The following PPP3CB variants were observed in gnomAD, a reference collection of about 807,000 sequenced individuals.
PPP3CB encodes the protein serine/threonine-protein phosphatase 2B catalytic subunit beta isoform.
PPP3CB carries 8 observed loss-of-function variants against 66.4 expected under a neutral mutation model. The ratio of observed to expected loss-of-function variants is 0.12; its 90% confidence interval spans 0.07 to 0.22. The LOEUF is 0.22. Among genes scored for constraint, PPP3CB ranks in the 10% least tolerant of loss-of-function variants. The pLI, the probability that PPP3CB is intolerant of heterozygous loss-of-function variation, is 1.00. For missense variants in PPP3CB, 319 were observed against 642.5 expected (o/e 0.50, Z 5.44); for synonymous variants, 208 against 221.2 (o/e 0.94, Z 0.53).
chr10:73,457,470 G>T (rs1334863680), intron 9 of PPP3CB, among the ~76,000 whole-genome samples: 1 of 151,688 alleles, frequency 6.6e-6, no homozygotes, highest in Non-Finnish European at 1.5e-5. Context: ...GCTAGGCCGG[G>T]GGTCATGCCT....
chr10:73,491,404 AT>A (rs2057077009), intron 1 of PPP3CB, among the ~76,000 whole-genome samples: 1 of 151,858 alleles, frequency 6.6e-6, no homozygotes, highest in African/African-American at 2.4e-5. Flanking sequence ...ACCTCAAGTG[AT>A]CCCCCCGCCT....
intron 9 of PPP3CB, among the ~76,000 whole-genome samples, chr10:73,463,081 T>C (rs570292220): frequency 1.3e-5 from 2 of 150,288 alleles, no homozygotes; most frequent in African/African-American, 4.9e-5. Context: ...CTCATTGGAG[T>C]GTGTTAATGG....
At chr10:73,454,785 T>C (rs539339473) in intron 9 of PPP3CB, among the ~76,000 whole-genome samples, 35 of 150,936 alleles carry the variant, frequency 2.3e-4, no homozygotes, top group African/African-American at 8.0e-4. Context: ...ACTGAATGTA[T>C]ACATTTCAAA....
intron 3 of PPP3CB, among the ~76,000 whole-genome samples, chr10:73,475,348 G>GT: frequency 6.6e-6 from 1 of 152,276 alleles, no homozygotes. Context: ...CTACAGATGC[G>GT]TATTAGTAAA....
chr10:73,466,596 T>C (rs1216999050), intron 9 of PPP3CB, among the ~76,000 whole-genome samples: 2 of 152,200 alleles, frequency 1.3e-5, no homozygotes, highest in African/African-American at 2.4e-5. Flanking sequence ...GGTAATTCTA[T>C]CTCCGTATTA....
intron 1 of PPP3CB, among the ~76,000 whole-genome samples, chr10:73,486,006 CGCA>C (rs1465765782): frequency 6.6e-6 from 1 of 151,064 alleles, no homozygotes; most frequent in African/African-American, 2.4e-5. Flanking sequence ...AATGCAGTGG[CGCA>C]ACATGAGCTC....
intron 1 of PPP3CB, among the ~76,000 whole-genome samples, chr10:73,490,273 G>A (rs1041327863): frequency 5.3e-5 from 8 of 152,058 alleles, no homozygotes; most frequent in Non-Finnish European, 8.8e-5. Flanking sequence ...GACAACTTGC[G>A]GGCTCAGCAA....
intron 10 of PPP3CB, among the ~76,000 whole-genome samples, chr10:73,450,029 C>T (rs974973903): frequency 6.6e-6 from 1 of 152,180 alleles, no homozygotes; most frequent in African/African-American, 2.4e-5. Flanking sequence ...AACTCCTGAC[C>T]TCAGGTGATC....
intron 9 of PPP3CB, among the ~76,000 whole-genome samples, chr10:73,456,602 T>C (rs2056431095): frequency 6.6e-6 from 1 of 152,158 alleles, no homozygotes; most frequent in Non-Finnish European, 1.5e-5. Flanking sequence ...ATTTCAACAA[T>C]GGTCAACTAC....
At chr10:73,477,347 G>A in intron 3 of PPP3CB, 1 of 446,248 alleles carries the variant, frequency 2.2e-6, no homozygotes, top group Non-Finnish European at 4.3e-6. Context: ...ACTCATTAAA[G>A]CATCATTTGT....
chr10:73,488,751 C>T (rs542355538), intron 1 of PPP3CB, among the ~76,000 whole-genome samples: 3 of 152,182 alleles, frequency 2.0e-5, no homozygotes, highest in African/African-American at 7.2e-5. Context: ...TCAAAATTGG[C>T]TCCCCTTCCT....
intron 12 of PPP3CB, among the ~76,000 whole-genome samples, chr10:73,443,328 G>GAAAA (rs554377408): frequency 1.4e-4 from 19 of 131,186 alleles, no homozygotes; most frequent in African/African-American, 5.7e-4. Flanking sequence ...AAGAAAGAAA[G>GAAAA]AAAAAGAAAG....
At chr10:73,461,076 C>T (rs1337275337) in intron 9 of PPP3CB, among the ~76,000 whole-genome samples, 3 of 152,246 alleles carry the variant, frequency 2.0e-5, no homozygotes, top group African/African-American at 7.2e-5. Context: ...TGTGGAAAAA[C>T]CACAGGGACA....
intron 1 of PPP3CB, among the ~76,000 whole-genome samples, chr10:73,480,570 G>A (rs768250988): frequency 5.3e-5 from 8 of 150,814 alleles, no homozygotes; most frequent in African/African-American, 1.7e-4. Flanking sequence ...TCAGCCTCCC[G>A]AGTAGCTGGG....
intron 12 of PPP3CB, among the ~76,000 whole-genome samples, chr10:73,443,330 A>AAAAG (rs1334560472): frequency 7.2e-6 from 1 of 138,008 alleles, no homozygotes; most frequent in African/African-American, 2.7e-5. Flanking sequence ...GAAAGAAAGA[A>AAAAG]AAAGAAAGAG....
At chr10:73,463,130 C>T (rs115073975) in intron 9 of PPP3CB, among the ~76,000 whole-genome samples, 53 of 152,210 alleles carry the variant, frequency 3.5e-4, no homozygotes, top group African/African-American at 1.1e-3. Flanking sequence ...AAGTCATCTC[C>T]AACCATTCCC....
At position 73,458,556 on chromosome 10, in the gene PPP3CB, C is replaced by A. The variant is rs543108280; in HGVS notation, c.1109-4067G>T. Among the ~76,000 whole-genome samples the A allele has an allele frequency of 6.6e-5, 10 of 152,030 alleles. No homozygotes were observed. The South Asian group carries it at 2.1e-3, about 32-fold the overall frequency. ...GTAGCTCATGCCTGTCACCCTAGCA[C>A]CCTGGGAGGCCAAAGCGGGTAGACT... is the stretch of plus-strand genomic sequence containing the variant. On this transcript the variant is annotated intron_variant, in intron 9 of 13. Coordinates refer to ENST00000360663, the MANE Select transcript of PPP3CB (RefSeq NM_021132.4).
At chr10:73,468,002 C>T (rs2056645426) in intron 8 of PPP3CB, among the ~76,000 whole-genome samples, 1 of 152,052 alleles carries the variant, frequency 6.6e-6, no homozygotes, top group Non-Finnish European at 1.5e-5. Flanking sequence ...TGTGAAAACT[C>T]AGTTTTTAGA....
intron 13 of PPP3CB, among the ~76,000 whole-genome samples, chr10:73,439,287 A>T (rs976328871): frequency 6.6e-6 from 1 of 152,210 alleles, no homozygotes; most frequent in African/African-American, 2.4e-5. Flanking sequence ...CTGGGGCTAC[A>T]AACACTGAGG....
Sources: allele counts gnomAD v4.1 joint callset (sites outside exome capture counted in the v4.1 genomes callset), GRCh38; gene constraint gnomAD v4.1.1; transcripts MANE v1.5; gene names NCBI Gene and HGNC (gene_info 2026-07-23, HGNC 2026-07-21).